Variants in SIPA1L3 observed in about 807,000 individuals in gnomAD.
SIPA1L3 encodes the protein signal-induced proliferation-associated 1-like protein 3.
Under a neutral mutation model 150.1 loss-of-function variants are expected in SIPA1L3, and 59 were observed. The ratio of observed to expected loss-of-function variants is 0.39; its 90% CI spans 0.32 to 0.49. The LOEUF is 0.49. Among genes scored for constraint, SIPA1L3 ranks in the 20% least tolerant of loss-of-function variants. The pLI, the probability that SIPA1L3 is intolerant of heterozygous loss-of-function variation, is 0.86. For synonymous variants in SIPA1L3, 1,070 were observed against 1,077.6 expected (o/e 0.99, Z 0.14); for missense variants, 2,211 against 2,489.5 (o/e 0.89, Z 2.38).
intron 1 of SIPA1L3, among the ~76,000 whole-genome samples, chr19:37,955,035 C>T (rs111928474): frequency 0.28 from 40,051 of 141,890 alleles, 6,176 homozygotes; most frequent in Non-Finnish European, 0.36. Context: ...TGCAGTGAGC[C>T]GGGATCACAC....
intron 1 of SIPA1L3, among the ~76,000 whole-genome samples, chr19:37,988,563 C>T (rs1967420407): frequency 6.6e-6 from 1 of 152,102 alleles, no homozygotes; most frequent in Non-Finnish European, 1.5e-5. Flanking sequence ...GTAATCCTAG[C>T]TACTCGGGAG....
At chr19:38,116,507 A>G (rs1206704398) in intron 8 of SIPA1L3, among the ~76,000 whole-genome samples, 2 of 142,768 alleles carry the variant, frequency 1.4e-5, no homozygotes, top group African/African-American at 5.5e-5. Context: ...AGGGCAACAG[A>G]GCAGCAAGAC....
intron 13 of SIPA1L3, among the ~76,000 whole-genome samples, chr19:38,153,775 A>G (rs538617994): frequency 5.0e-4 from 76 of 151,754 alleles, no homozygotes; most frequent in African/African-American, 1.8e-3. Flanking sequence ...CTCTACTAAA[A>G]ATACAAAAAT....
chr19:38,171,988 A>AT (rs1169721110), intron 15 of SIPA1L3, among the ~76,000 whole-genome samples: 3 of 152,134 alleles, frequency 2.0e-5, no homozygotes, highest in African/African-American at 7.2e-5. Context: ...TACCAGCTCC[A>AT]TTATGGAGTT....
intron 19 of SIPA1L3, among the ~76,000 whole-genome samples, chr19:38,199,350 C>T (rs765000345): frequency 2.0e-5 from 3 of 152,158 alleles, no homozygotes; most frequent in Non-Finnish European, 2.9e-5. Context: ...GTGTTGTTTG[C>T]GGAAGACAGA....
At chr19:37,913,478 C>T (rs2046392145) in intron 1 of SIPA1L3, among the ~76,000 whole-genome samples, 1 of 152,140 alleles carries the variant, frequency 6.6e-6, no homozygotes, top group Admixed American at 6.5e-5. Flanking sequence ...TCACTGCAAC[C>T]ACTGCCTCCC....
intron 2 of SIPA1L3, among the ~76,000 whole-genome samples, chr19:38,045,820 G>T (rs2145749364): frequency 6.6e-6 from 1 of 152,204 alleles, no homozygotes; most frequent in East Asian, 1.9e-4. Flanking sequence ...GGAGGAACTG[G>T]GTGTGTTGGA....
intron 17 of SIPA1L3, 139 bp downstream of exon 17, chr19:38,192,449 A>C (rs1301776200): frequency 3.9e-6 from 3 of 771,714 alleles, no homozygotes; most frequent in Non-Finnish European, 2.0e-6. Context: ...GGCATCTGCC[A>C]GTCCTGTTGG....
At chr19:38,050,143 A>G (rs1291151172) in intron 2 of SIPA1L3, among the ~76,000 whole-genome samples, 1 of 152,142 alleles carries the variant, frequency 6.6e-6, no homozygotes, top group Non-Finnish European at 1.5e-5. Flanking sequence ...ATTAAATGAG[A>G]TAATATATGT....
intron 15 of SIPA1L3, among the ~76,000 whole-genome samples, chr19:38,180,119 A>G (rs1430272485): frequency 6.6e-6 from 1 of 151,926 alleles, no homozygotes; most frequent in Non-Finnish European, 1.5e-5. Flanking sequence ...TAACCCGAGG[A>G]GTTTTAAAAT....
At position 38,122,498 on chromosome 19, in the gene SIPA1L3, C is replaced by T. The variant is rs138891277; in HGVS notation, c.2868+2616C>T. Among the ~76,000 whole-genome samples the T allele has an allele frequency of 4.1e-3, 622 of 152,248 alleles. 9 individuals are homozygous for T. Among genetic ancestry groups the T allele is most frequent in the African/African-American group, 0.014 (595 of 41,556 alleles). ...CACCCTGGTCTCTCCCGGACACTTT[C>T]GATGGTGTCCTTTCTGGTCCTTCTT... On this transcript the variant is annotated intron_variant, in intron 9 of 21. Coordinates refer to ENST00000222345, the MANE Select transcript of SIPA1L3 (RefSeq NM_015073.3).
At chr19:38,072,147 C>A (rs886531494) in intron 2 of SIPA1L3, among the ~76,000 whole-genome samples, 1 of 152,160 alleles carries the variant, frequency 6.6e-6, no homozygotes, top group Admixed American at 6.5e-5. Context: ...GGGGTTGAGT[C>A]CCCACTGTGT....
chr19:38,138,651 A>G (rs1220432074), intron 10 of SIPA1L3, among the ~76,000 whole-genome samples: 2 of 152,238 alleles, frequency 1.3e-5, no homozygotes, highest in Admixed American at 1.3e-4. Context: ...TAATCCTAGC[A>G]CTTTGGGAGG....
At chr19:38,151,825 G>T (rs332846) in intron 12 of SIPA1L3, among the ~76,000 whole-genome samples, 1 of 151,740 alleles carries the variant, frequency 6.6e-6, no homozygotes, top group Admixed American at 6.6e-5. Context: ...TTAGCCGGGC[G>T]TGTAACATGC....
chr19:38,100,962 A>G lies in SIPA1L3; in HGVS notation c.1855-90A>G, dbSNP rs1277933509. 1.4e-5 allele frequency: 19 copies of G among 1,394,560 alleles called. No individual in the cohort carries two copies. The East Asian group carries it at 4.4e-4, about 33-fold the overall frequency. The allele number at this position is 1,394,560 out of a possible 1,614,324, so 86.4% of individuals were successfully genotyped here. A position where few individuals can be genotyped will look rare whatever the true frequency, so the allele number is the denominator to read the frequency against. On this transcript the variant is annotated intron_variant, in intron 5 of 21. Coordinates refer to ENST00000222345, the MANE Select transcript of SIPA1L3 (RefSeq NM_015073.3). The stretch of plus-strand genomic sequence containing the variant: ...TTCCCGAGTGGTCCCAGCAGCTCCC[A>G]GGGCCTCAGGCCTCAGACATACCCC...
chr19:38,078,484 GCACA>G (rs377675160), intron 2 of SIPA1L3, among the ~76,000 whole-genome samples: 30 of 128,078 alleles, frequency 2.3e-4, no homozygotes, highest in African/African-American at 4.4e-4. Flanking sequence ...ACACAGACAT[GCACA>G]CACACACACA....
chr19:37,989,411 C>T (rs771599887), intron 1 of SIPA1L3, among the ~76,000 whole-genome samples: 2 of 152,048 alleles, frequency 1.3e-5, no homozygotes, highest in Non-Finnish European at 2.9e-5. Context: ...TTAGTAGAGA[C>T]GGGGATCTCA....
chr19:38,051,192 C>T (rs981834022), intron 2 of SIPA1L3, among the ~76,000 whole-genome samples: 3 of 152,168 alleles, frequency 2.0e-5, no homozygotes, highest in South Asian at 2.1e-4. Context: ...TTTAATGTGA[C>T]GTGATAAATA....
intron 1 of SIPA1L3, among the ~76,000 whole-genome samples, chr19:37,938,959 C>T (rs1165801705): frequency 6.6e-6 from 1 of 152,084 alleles, no homozygotes; most frequent in African/African-American, 2.4e-5. Context: ...TGTAGGTGTT[C>T]TTTATATACT....
Sources: gnomAD v4.1 joint callset for allele counts (sites outside exome capture counted in the v4.1 genomes callset) on GRCh38, gnomAD v4.1.1 for gene constraint, MANE v1.5 for transcripts, NCBI Gene and HGNC (gene_info 2026-07-23, HGNC 2026-07-21) for gene names.